Variants in MSRA observed in about 807,000 individuals in gnomAD.
MSRA encodes the protein mitochondrial peptide methionine sulfoxide reductase.
A neutral mutation model predicts 31.3 loss-of-function variants in MSRA; 54 were observed. The observed-to-expected ratio is 1.73, with a 90% CI of 1.39 to 2.17. The LOEUF (loss-of-function observed/expected upper bound fraction) is 2.17, where lower values mean the gene tolerates loss of function less well. Ranked by LOEUF, MSRA falls within the 30% of genes most tolerant of loss-of-function variation. The pLI, the probability that MSRA is intolerant of heterozygous loss-of-function variation, is 0.00. For synonymous variants in MSRA, 169 were observed against 116.5 expected (o/e 1.45, Z -2.90); for missense variants, 507 against 300.9 (o/e 1.69, Z -5.07).
chr8:10,136,891 G>T lies in MSRA; in HGVS notation c.143-70942G>T, dbSNP rs187909457. 1.1e-4 allele frequency among the ~76,000 whole-genome samples: 16 copies of T among 152,286 alleles called. No homozygotes were observed. In the East Asian group the frequency reaches 3.1e-3, roughly 29 times the overall value. ...TCTTCTCTCCACATCCCTGTACTCA[G>T]TGTCCACCCTGCTGTCTGTCCAGCA... On this transcript the variant is annotated intron_variant, in intron 1 of 5. Transcript: ENST00000317173.
chr8:10,409,287 T>C (rs113410923), intron 5 of MSRA, among the ~76,000 whole-genome samples: 1,794 of 152,340 alleles, frequency 0.012, 33 homozygotes, highest in African/African-American at 0.041. Context: ...TGATATCTCA[T>C]TGTGCCTTTG....
At chr8:10,347,724 C>T (rs1212591349) in intron 5 of MSRA, among the ~76,000 whole-genome samples, 3 of 152,214 alleles carry the variant, frequency 2.0e-5, no homozygotes, top group African/African-American at 7.2e-5. Flanking sequence ...GAGCTCTCAA[C>T]CGTATGAAAT....
chr8:10,188,801 C>G (rs1407339480), intron 1 of MSRA, among the ~76,000 whole-genome samples: 3 of 152,190 alleles, frequency 2.0e-5, no homozygotes, highest in Admixed American at 6.5e-5. Context: ...GTCCTGAAAT[C>G]AGGTAGTGGA....
chr8:10,274,228 G>C (rs2975658), intron 3 of MSRA, among the ~76,000 whole-genome samples: 1 of 152,190 alleles, frequency 6.6e-6, no homozygotes, highest in Non-Finnish European at 1.5e-5. Flanking sequence ...TTAAATTCCA[G>C]ACAGTATGTA....
intron 1 of MSRA, among the ~76,000 whole-genome samples, chr8:10,057,246 G>T (rs1374946111): frequency 6.6e-6 from 1 of 152,178 alleles, no homozygotes; most frequent in African/African-American, 2.4e-5. Context: ...GGGCAGTGCT[G>T]GCTGGCTGGT....
intron 5 of MSRA, among the ~76,000 whole-genome samples, chr8:10,394,097 C>A (rs565684292): frequency 6.6e-6 from 1 of 152,308 alleles, no homozygotes; most frequent in East Asian, 1.9e-4. Context: ...ACGGCATCTG[C>A]GTCTTGTATA....
At chr8:10,223,014 G>T (rs143276005) in intron 2 of MSRA, among the ~76,000 whole-genome samples, 36 of 152,232 alleles carry the variant, frequency 2.4e-4, no homozygotes, top group African/African-American at 8.7e-4. Context: ...ATGTTACTTA[G>T]CATAATTTAC....
intron 5 of MSRA, among the ~76,000 whole-genome samples, chr8:10,374,970 A>G (rs1805676929): frequency 2.0e-5 from 3 of 152,134 alleles, no homozygotes; most frequent in South Asian, 2.1e-4. Flanking sequence ...CTCTCTCACT[A>G]TGCGATATGC....
intron 5 of MSRA, among the ~76,000 whole-genome samples, chr8:10,417,433 C>CACACACACAA (rs899946801): frequency 1.3e-5 from 2 of 151,590 alleles, no homozygotes; most frequent in Non-Finnish European, 2.9e-5. Context: ...CACACACACA[C>CACACACACAA]ACACACACAC....
intron 1 of MSRA, among the ~76,000 whole-genome samples, chr8:10,064,353 G>A (rs923052084): frequency 4.0e-5 from 6 of 151,290 alleles, no homozygotes; most frequent in Non-Finnish European, 5.9e-5. Context: ...ATAGGCTTTT[G>A]CCCATTTTTT....
At chr8:10,344,320 A>C (rs1328030967) in intron 5 of MSRA, among the ~76,000 whole-genome samples, 1 of 152,146 alleles carries the variant, frequency 6.6e-6, no homozygotes, top group Middle Eastern at 3.4e-3. Context: ...CCATCAGGCA[A>C]TCAAAGCCAG....
intron 5 of MSRA, among the ~76,000 whole-genome samples, chr8:10,352,454 A>G (rs901068491): frequency 6.6e-6 from 1 of 152,128 alleles, no homozygotes; most frequent in Admixed American, 6.5e-5. Context: ...GGAGGCAGGG[A>G]GGGCAGAATG....
intron 1 of MSRA, among the ~76,000 whole-genome samples, chr8:10,150,717 C>T (rs1228106397): frequency 6.6e-6 from 1 of 152,166 alleles, no homozygotes; most frequent in Non-Finnish European, 1.5e-5. Context: ...CCGGCCTGTT[C>T]TGTCCCGTGT....
chr8:10,172,490 G>C (rs950934890), intron 1 of MSRA, among the ~76,000 whole-genome samples: 2 of 152,164 alleles, frequency 1.3e-5, no homozygotes, highest in African/African-American at 4.8e-5. Flanking sequence ...TTCTAGCTTG[G>C]AACTCTGGCT....
intron 1 of MSRA, among the ~76,000 whole-genome samples, chr8:10,089,138 CCACA>C (rs10566550): frequency 6.5e-4 from 97 of 149,768 alleles, no homozygotes; most frequent in Non-Finnish European, 1.0e-3. Flanking sequence ...TGCTTTTGTC[CCACA>C]CACACACACA....
intron 5 of MSRA, among the ~76,000 whole-genome samples, chr8:10,424,913 AGCGAAGGAGCAGGGGGGCT>A (rs1809043214): frequency 6.6e-6 from 1 of 152,220 alleles, no homozygotes; most frequent in Admixed American, 6.5e-5. Flanking sequence ...CCCGGGGGAC[AGCGAAGGAGCAGGGGGGCT>A]GCGAAGCCCA....
At chr8:10,059,290 A>G (rs985816319) in intron 1 of MSRA, among the ~76,000 whole-genome samples, 1 of 152,224 alleles carries the variant, frequency 6.6e-6, no homozygotes, top group African/African-American at 2.4e-5. Flanking sequence ...TATGCCAGGC[A>G]CTGTAGTAAT....
intron 5 of MSRA, among the ~76,000 whole-genome samples, chr8:10,324,923 C>T (rs1335989135): frequency 6.6e-6 from 1 of 152,146 alleles, no homozygotes; most frequent in Non-Finnish European, 1.5e-5. Context: ...TGTGTGAGCT[C>T]AGGGTACTGT....
In MSRA at chr8:10,299,193, G is replaced by T. The variant is rs569791890; in HGVS notation, c.332-2341G>T. ...CAATTTACATGTATTTCTTCACATA[G>T]GAAGAAATACATGTAAATTGAGAAG... On this transcript the variant is annotated intron_variant, in intron 3 of 5. Transcript: ENST00000317173. Among the ~76,000 whole-genome samples the T allele has an allele frequency of 4.4e-3, 665 of 152,004 alleles. 4 individuals carry two copies. The highest frequency in any genetic ancestry group is 6.7e-3 in the Non-Finnish European group (456 of 67,950).
Sources: allele counts gnomAD v4.1 joint callset (sites outside exome capture counted in the v4.1 genomes callset), GRCh38; gene constraint gnomAD v4.1.1; transcripts MANE v1.5; gene names NCBI Gene and HGNC (gene_info 2026-07-23, HGNC 2026-07-21).